The following EPB41L4A variants were observed in gnomAD, a reference collection of about 807,000 sequenced individuals.
The protein encoded by EPB41L4A is band 4.1-like protein 4A.
EPB41L4A carries 100 observed loss-of-function variants against 108.6 expected under a neutral mutation model. That is an observed-to-expected ratio of 0.92 (90% CI 0.78 to 1.09). EPB41L4A has a LOEUF of 1.09. Among genes scored for constraint, EPB41L4A ranks in the 50% least tolerant of loss-of-function variants. The probability of loss-of-function intolerance (pLI) is 0.00; values close to 1 mark genes in which losing one functional copy is unlikely to be tolerated. For synonymous variants in EPB41L4A, 319 were observed against 289.0 expected, an observed-to-expected ratio of 1.10 and a Z score of -1.05; for missense variants, 1,030 against 842.7, an observed-to-expected ratio of 1.22 and a Z score of -2.75.
chr5:112,298,548 G>A (rs1754156136), intron 2 of EPB41L4A, among the ~76,000 whole-genome samples: 1 of 152,108 alleles, frequency 6.6e-6, no homozygotes, highest in East Asian at 1.9e-4. Flanking sequence ...CTTGATTATG[G>A]CGGATTATCT....
At chr5:112,362,131 T>C (rs1333924745) in intron 1 of EPB41L4A, among the ~76,000 whole-genome samples, 2 of 152,124 alleles carry the variant, frequency 1.3e-5, no homozygotes, top group Non-Finnish European at 2.9e-5. Flanking sequence ...AGGATCTCAT[T>C]CTGTCACCCA....
Position 112,252,854 on chromosome 5 carries a change from TA to T in EPB41L4A, c.795+6374del, listed in dbSNP as rs34687416. Among the ~76,000 whole-genome samples, 108 of 149,822 alleles carry T rather than the reference TA, an allele frequency of 7.2e-4. No homozygotes were observed. The East Asian group carries it at 0.01, about 14-fold the overall frequency. On this transcript the variant is annotated intron_variant, in intron 9 of 22. Coordinates refer to ENST00000261486, the MANE Select transcript of EPB41L4A (RefSeq NM_022140.5). The stretch of plus-strand genomic sequence containing the variant: ...AATCTATAATAAAAGTTGAAAGTAT[TA>T]AAAAAAAAATAGGTATGTAATGTAT...
chr5:112,378,661 C>T (rs1351255822), intron 1 of EPB41L4A, among the ~76,000 whole-genome samples: 1 of 152,200 alleles, frequency 6.6e-6, no homozygotes, highest in Non-Finnish European at 1.5e-5. Context: ...CAGAAGTCAT[C>T]CTTATTCCCT....
intron 12 of EPB41L4A, among the ~76,000 whole-genome samples, chr5:112,219,654 T>C (rs982875692): frequency 2.6e-5 from 4 of 152,190 alleles, no homozygotes; most frequent in Non-Finnish European, 4.4e-5. Flanking sequence ...TACACCATAC[T>C]AATGCTGATA....
chr5:112,250,335 G>C (rs974443425), intron 9 of EPB41L4A, among the ~76,000 whole-genome samples: 3 of 152,060 alleles, frequency 2.0e-5, no homozygotes, highest in Non-Finnish European at 4.4e-5. Flanking sequence ...ATCATGTTGA[G>C]CTTATTCTTA....
intron 1 of EPB41L4A, among the ~76,000 whole-genome samples, chr5:112,403,578 C>T (rs1331842561): frequency 6.6e-6 from 1 of 152,112 alleles, no homozygotes; most frequent in African/African-American, 2.4e-5. Flanking sequence ...AAGTGATGCT[C>T]CCACCTCAGC....
At chr5:112,174,776 T>A (rs1258276124) in intron 18 of EPB41L4A, among the ~76,000 whole-genome samples, 1 of 152,238 alleles carries the variant, frequency 6.6e-6, no homozygotes, top group Non-Finnish European at 1.5e-5. Flanking sequence ...ACTCTTTTTT[T>A]GTCCATCTTT....
At chr5:112,209,347 T>TC (rs1298880090) in intron 13 of EPB41L4A, among the ~76,000 whole-genome samples, 4 of 152,184 alleles carry the variant, frequency 2.6e-5, no homozygotes, top group African/African-American at 9.7e-5. Flanking sequence ...AGGGAAACAA[T>TC]CCATGTAATA....
intron 12 of EPB41L4A, among the ~76,000 whole-genome samples, chr5:112,220,801 C>T (rs1747989729): frequency 6.6e-6 from 1 of 152,108 alleles, no homozygotes; most frequent in Non-Finnish European, 1.5e-5. Flanking sequence ...CCTTTTTCCC[C>T]TGGAATCCCT....
At chr5:112,385,841 T>C (rs1760486184) in intron 1 of EPB41L4A, among the ~76,000 whole-genome samples, 1 of 152,204 alleles carries the variant, frequency 6.6e-6, no homozygotes, top group Non-Finnish European at 1.5e-5. Flanking sequence ...AAGCTCCTAG[T>C]GGGTGTTCAA....
At chr5:112,353,778 G>A (rs536881077) in intron 1 of EPB41L4A, among the ~76,000 whole-genome samples, 4 of 152,304 alleles carry the variant, frequency 2.6e-5, no homozygotes, top group African/African-American at 9.6e-5. Flanking sequence ...TTGGGTGCTA[G>A]CAGCAGACAG....
intron 2 of EPB41L4A, among the ~76,000 whole-genome samples, chr5:112,298,602 T>C (rs893420524): frequency 6.6e-6 from 1 of 152,150 alleles, no homozygotes; most frequent in Non-Finnish European, 1.5e-5. Flanking sequence ...TTTTGTTAAA[T>C]ATTTTTGCAT....
At chr5:112,380,290 T>G (rs1486605955) in intron 1 of EPB41L4A, among the ~76,000 whole-genome samples, 1 of 152,222 alleles carries the variant, frequency 6.6e-6, no homozygotes, top group African/African-American at 2.4e-5. Flanking sequence ...TCAACCTATT[T>G]ATAAATAACG....
At chr5:112,405,169 T>C (rs1762008013) in intron 1 of EPB41L4A, among the ~76,000 whole-genome samples, 1 of 152,194 alleles carries the variant, frequency 6.6e-6, no homozygotes, top group African/African-American at 2.4e-5. Flanking sequence ...TCACTTTCCA[T>C]GGAGGGAGGT....
At chr5:112,364,014 T>C (rs993903674) in intron 1 of EPB41L4A, among the ~76,000 whole-genome samples, 10 of 114,542 alleles carry the variant, frequency 8.7e-5, no homozygotes, top group African/African-American at 2.4e-4. Flanking sequence ...TTTGCTTTCA[T>C]TCATTTATTC....
upstream of EPB41L4A, chr5:112,419,834 G>A (rs1420982843): frequency 4.4e-6 from 2 of 456,772 alleles, no homozygotes; most frequent in South Asian, 1.5e-5. Context: ...ATTACGGGTG[G>A]CCGTGTGTAG....
intron 1 of EPB41L4A, among the ~76,000 whole-genome samples, chr5:112,353,254 A>T (rs4958042): frequency 0.44 from 66,730 of 151,792 alleles, 15,849 homozygotes; most frequent in South Asian, 0.6. Flanking sequence ...CCAAGCAGTG[A>T]ACCAAGCATG....
intron 1 of EPB41L4A, chr5:112,392,930 A>C (rs890824520): frequency 1.3e-5 from 2 of 152,262 alleles, no homozygotes; most frequent in Admixed American, 6.5e-5. Context: ...TTCAGGACTA[A>C]GAAACTCACT....
chr5:112,147,802 T>C (rs1209354786), intron 12 of EPB41L4A, among the ~76,000 whole-genome samples: 1 of 151,248 alleles, frequency 6.6e-6, no homozygotes, highest in Non-Finnish European at 1.5e-5. Flanking sequence ...CCTAGCGCGG[T>C]GGCTCACGCC....
Sources: gnomAD v4.1 joint callset for allele counts (sites outside exome capture counted in the v4.1 genomes callset) on GRCh38, gnomAD v4.1.1 for gene constraint, MANE v1.5 for transcripts, NCBI Gene and HGNC (gene_info 2026-07-23, HGNC 2026-07-21) for gene names.